SMCO4: variants seen among roughly 807,000 people sequenced by gnomAD.
The protein encoded by SMCO4 is single-pass membrane protein with coiled-coil domains 4.
In SMCO4, 4 loss-of-function variants were observed where a neutral mutation model predicts 3.6. That is an observed-to-expected ratio of 1.11 (90% CI 0.54 to 2.53). SMCO4 has a LOEUF of 2.53. Among genes scored for constraint, SMCO4 ranks in the 30% most tolerant of loss-of-function variants. The probability of loss-of-function intolerance (pLI) is 0.02; values close to 1 mark genes in which losing one functional copy is unlikely to be tolerated. For synonymous variants in SMCO4, 36 were observed against 35.3 expected, an observed-to-expected ratio of 1.02 and a Z score of -0.07; for missense variants, 70 against 80.8, an observed-to-expected ratio of 0.87 and a Z score of 0.51.
chr11:93,482,697 G>A (rs1400132760), intron 2 of SMCO4, among the ~76,000 whole-genome samples: 1 of 152,198 alleles, frequency 6.6e-6, no homozygotes, highest in Non-Finnish European at 1.5e-5. Context: ...CGAACGCACT[G>A]CTTCCTTCCT....
At chr11:93,542,584 C>A (rs1223399561) in intron 1 of SMCO4, among the ~76,000 whole-genome samples, 1 of 152,178 alleles carries the variant, frequency 6.6e-6, no homozygotes, top group African/African-American at 2.4e-5. Context: ...GAGGAAGCAA[C>A]GCTCAGCTCC....
At chr11:93,494,889 C>G (rs1948756749) in intron 2 of SMCO4, among the ~76,000 whole-genome samples, 1 of 152,110 alleles carries the variant, frequency 6.6e-6, no homozygotes, top group Non-Finnish European at 1.5e-5. Context: ...AAATCCCTTG[C>G]CTAACCTGGT....
At chr11:93,514,931 A>G (rs1431588042) in intron 1 of SMCO4, among the ~76,000 whole-genome samples, 1 of 152,186 alleles carries the variant, frequency 6.6e-6, no homozygotes, top group Non-Finnish European at 1.5e-5. Flanking sequence ...GAGACAACAT[A>G]GTTAGATAAG....
At chr11:93,547,455 C>T (rs554073882), upstream of SMCO4, among the ~76,000 whole-genome samples, 1 of 152,300 alleles carries the variant, frequency 6.6e-6, no homozygotes, top group Admixed American at 6.5e-5. Flanking sequence ...CTTTTCTTAA[C>T]CACCCCATCT....
intron 1 of SMCO4, among the ~76,000 whole-genome samples, chr11:93,534,369 TATATATAGAGAGAG>T (rs1949197596): frequency 1.0e-5 from 1 of 99,696 alleles, no homozygotes; most frequent in African/African-American, 3.2e-5. Flanking sequence ...TATATATATA[TATATATAGAGAGAG>T]AGAGAGAGAG....
chr11:93,540,495 G>A (rs1326911067), intron 1 of SMCO4, among the ~76,000 whole-genome samples: 2 of 152,188 alleles, frequency 1.3e-5, no homozygotes, highest in African/African-American at 4.8e-5. Flanking sequence ...CTGGGTTAGG[G>A]AGCCCGTTAA....
chr11:93,534,145 C>T (rs959149956), intron 1 of SMCO4, among the ~76,000 whole-genome samples: 21 of 149,036 alleles, frequency 1.4e-4, no homozygotes, highest in South Asian at 4.2e-4. Flanking sequence ...GAGCTAAGAT[C>T]GCGGCACAGC....
chr11:93,509,791 G>T (rs1166126248), intron 1 of SMCO4, among the ~76,000 whole-genome samples: 1 of 152,124 alleles, frequency 6.6e-6, no homozygotes, highest in African/African-American at 2.4e-5. Context: ...TAAGAATGAT[G>T]CATAAGAGTG....
At chr11:93,494,664 C>T (rs1178154748) in intron 2 of SMCO4, among the ~76,000 whole-genome samples, 10 of 152,226 alleles carry the variant, frequency 6.6e-5, no homozygotes, top group Non-Finnish European at 5.9e-5. Context: ...AGCCTACCGT[C>T]ATACCTAAAA....
chr11:93,542,672 C>G (rs1189619929), intron 1 of SMCO4, among the ~76,000 whole-genome samples: 1 of 152,170 alleles, frequency 6.6e-6, no homozygotes, highest in Non-Finnish European at 1.5e-5. Context: ...GAGCCTGCCC[C>G]GGGTCTCAGG....
intron 2 of SMCO4, among the ~76,000 whole-genome samples, chr11:93,484,282 G>A (rs930137906): frequency 1.3e-5 from 2 of 152,126 alleles, no homozygotes; most frequent in Non-Finnish European, 2.9e-5. Context: ...GAACTTTCCC[G>A]TCTTTTCCTA....
chr11:93,510,370 C>G (rs1365192078), intron 1 of SMCO4, among the ~76,000 whole-genome samples: 4 of 152,194 alleles, frequency 2.6e-5, no homozygotes, highest in Non-Finnish European at 4.4e-5. Flanking sequence ...TACAGTCACT[C>G]TGCTGATGAA....
At chr11:93,508,755 T>C (rs1292664859) in intron 1 of SMCO4, among the ~76,000 whole-genome samples, 1 of 151,706 alleles carries the variant, frequency 6.6e-6, no homozygotes. Context: ...CAGTTAGAAA[T>C]AAAAAGAAGT....
intron 1 of SMCO4, among the ~76,000 whole-genome samples, chr11:93,517,994 A>G (rs1949023347): frequency 1.3e-5 from 2 of 152,240 alleles, no homozygotes; most frequent in South Asian, 2.1e-4. Flanking sequence ...TACATAATTC[A>G]CGGCATTTAG....
intron 1 of SMCO4, among the ~76,000 whole-genome samples, chr11:93,511,200 GGAA>G (rs1458303953): frequency 1.3e-5 from 2 of 152,016 alleles, no homozygotes; most frequent in African/African-American, 4.8e-5. Context: ...AGGTAAGACA[GGAA>G]GAAGAAAGGA....
chr11:93,527,812 A>G (rs1949123471), intron 1 of SMCO4, among the ~76,000 whole-genome samples: 1 of 152,142 alleles, frequency 6.6e-6, no homozygotes, highest in African/African-American at 2.4e-5. Flanking sequence ...AATTAGGTTA[A>G]TATTTGTTTG....
intron 2 of SMCO4, among the ~76,000 whole-genome samples, chr11:93,493,851 G>A (rs546697224): frequency 2.5e-4 from 38 of 152,190 alleles, no homozygotes; most frequent in African/African-American, 5.5e-4. Flanking sequence ...ATACAAGACT[G>A]TCCCTCTCGC....
intron 2 of SMCO4, among the ~76,000 whole-genome samples, chr11:93,493,258 GCTCCAGT>G (rs1251102854): frequency 6.6e-6 from 1 of 152,144 alleles, no homozygotes; most frequent in Non-Finnish European, 1.5e-5. Context: ...AGTCAGACCA[GCTCCAGT>G]CTTAGGTCCA....
At position 93,478,881 on chromosome 11, in the gene SMCO4, A is replaced by C; in HGVS notation, c.*129T>G. On this transcript the variant is annotated 3_prime_UTR_variant, in exon 3 of 3. Coordinates refer to ENST00000298966, the MANE Select transcript of SMCO4 (RefSeq NM_020179.3). The stretch of plus-strand genomic sequence containing the variant: ...ATACTTTAATCAAGTCAAAGACCAG[A>C]GAAGACAGGGTGCTCCTGCTTACAG... The C allele has an allele frequency of 1.4e-6, 2 of 1,434,656 alleles. No homozygotes were observed. The highest frequency in any genetic ancestry group is 2.9e-5 in the African/African-American group (2 of 69,888). The allele number at this position is 1,434,656 out of a possible 1,614,324, so 88.9% of individuals were successfully genotyped here. A position where few individuals can be genotyped will look rare whatever the true frequency, so the allele number is the denominator to read the frequency against.
Sources: gnomAD v4.1 joint callset for allele counts (sites outside exome capture counted in the v4.1 genomes callset) on GRCh38, gnomAD v4.1.1 for gene constraint, MANE v1.5 for transcripts, NCBI Gene and HGNC (gene_info 2026-07-23, HGNC 2026-07-21) for gene names.